The following ODAD1 variants were observed in gnomAD, a reference collection of about 807,000 sequenced individuals.
ODAD1 encodes outer dynein arm docking complex subunit 1, also known as outer dynein arm-docking complex subunit 1.
A neutral mutation model predicts 67.2 loss-of-function variants in ODAD1; 49 were observed. The ratio of observed to expected loss-of-function variants is 0.73; its 90% CI spans 0.58 to 0.92. ODAD1 has a LOEUF of 0.92. Ranked by LOEUF, ODAD1 falls within the 40% of genes least tolerant of loss-of-function variation. The pLI, the probability that ODAD1 is intolerant of heterozygous loss-of-function variation, is 0.00. For missense variants in ODAD1, 897 were observed against 953.7 expected (o/e 0.94, Z 0.78); for synonymous variants, 345 against 393.7 (o/e 0.88, Z 1.46).
chr19:48,312,676 CA>C (rs1438940401), intron 5 of ODAD1, among the ~76,000 whole-genome samples: 3 of 152,100 alleles, frequency 2.0e-5, no homozygotes, highest in Non-Finnish European at 2.9e-5. Flanking sequence ...CTTGGCCTCC[CA>C]AAGTGCTGGG....
intron 5 of ODAD1, among the ~76,000 whole-genome samples, chr19:48,312,422 T>G (rs921193284): frequency 9.3e-4 from 131 of 140,580 alleles, no homozygotes; most frequent in East Asian, 6.6e-3. Flanking sequence ...GTTTTTTTTT[T>G]TTTTTTTTTT....
In ODAD1 at chr19:48,302,796, G is replaced by T; in HGVS notation, c.1138C>A (p.Gln380Lys). Residue 380 changes from glutamine (Q) to lysine (K), a missense_variant, in exon 12 of 16, where the codon CAG (glutamine) becomes AAG (lysine). Coordinates refer to ENST00000674294, the MANE Select transcript of ODAD1 (RefSeq NM_001364171.2). Reference protein sequence around the residue: ...DDQHLLQEQQQKVLQQRMDKV... With the variant: ...DDQHLLQEQQKKVLQQRMDKV... Reference sequence around the variant, plus strand: ...TCCATGCGCTGCTGCAACACCTTCTGCTGCTGCTCCTGCAGCAAATGCTGG... The same window carrying T: ...TCCATGCGCTGCTGCAACACCTTCTTCTGCTGCTCCTGCAGCAAATGCTGG... 1 of 1,613,914 alleles carries T rather than the reference G, an allele frequency of 6.2e-7. No homozygotes were observed. Among genetic ancestry groups the T allele is most frequent in the Non-Finnish European group, 8.5e-7 (1 of 1,179,898 alleles).
chr19:48,296,960 C>T lies in ODAD1; in HGVS notation c.*16G>A. On this transcript the variant is annotated 3_prime_UTR_variant, in exon 16 of 16. Transcript: ENST00000674294. ...ACAGAGAGCCAGGGCAGGGTGGGGG[C>T]TGCGTGCCCCTCGTGTTAGCCCCGG... is the stretch of plus-strand genomic sequence containing the variant. 6.4e-7 allele frequency: 1 copy of T among 1,570,626 alleles called. No individual in the cohort carries two copies. Among genetic ancestry groups the T allele is most frequent in the Non-Finnish European group, 8.6e-7 (1 of 1,161,042 alleles).
Position 48,297,498 on chromosome 19 carries a change from C to G in ODAD1, c.1602G>C (p.Ala534=), listed in dbSNP as rs747363334. ...CCAGGTCCTTCTGGCGCTGCGCCTCCGCCTGCTCCTGGAGCTCCACCTGCA... is the reference window on the plus strand; with the variant it reads ...CCAGGTCCTTCTGGCGCTGCGCCTCGGCCTGCTCCTGGAGCTCCACCTGCA... ...VEKLVELQEQ[A]EAQRQKDLAA... is the part of the protein sequence containing the mutation. The change falls in exon 16 of 16, where the codon GCG becomes GCC. Residue 534 remains alanine (A), a synonymous_variant. Transcript: ENST00000674294. 20 of 1,604,348 alleles carry G rather than the reference C, an allele frequency of 1.2e-5. No homozygotes were observed. In the African/African-American group the frequency reaches 2.3e-4, roughly 18 times the overall value.
chr19:48,306,128 G>A (rs1968600758), intron 8 of ODAD1, 128 bp downstream of exon 8: 1 of 1,369,500 alleles, frequency 7.3e-7, no homozygotes, highest in South Asian at 1.5e-5. Flanking sequence ...AGAAAAAGGG[G>A]ATATTATGGG....
At chr19:48,297,725 C>T (rs917890011) in intron 14 of ODAD1, 57 bp from the exon 15 acceptor site, 11 of 1,336,822 alleles carry the variant, frequency 8.2e-6, no homozygotes, top group East Asian at 2.6e-5. Context: ...AAAAGGCCAG[C>T]GGCCCTTCCT....
rs753128385 is a variant in ODAD1 at position 48,297,984 on chromosome 19, C to T, written c.1502+16G>A. 1.7e-5 allele frequency: 28 copies of T among 1,601,182 alleles called. No homozygotes were observed. Among genetic ancestry groups the T allele is most frequent in the Non-Finnish European group, 2.4e-5 (28 of 1,170,320 alleles). The stretch of plus-strand genomic sequence containing the variant: ...AAGCCCCGTCCCCTCTGCGTCCCTC[C>T]TGCCCTGCGCCTCACAGAGTGTCAG... On this transcript the variant is annotated intron_variant, in intron 14 of 15. Transcript: ENST00000674294.
chr19:48,298,900 C>T (rs1279776183), intron 12 of ODAD1, among the ~76,000 whole-genome samples: 5 of 152,204 alleles, frequency 3.3e-5, no homozygotes, highest in African/African-American at 9.6e-5. Context: ...TCAGCCATCA[C>T]GACAGCAGGA....
intron 6 of ODAD1, 117 bp downstream of exon 6, chr19:48,311,877 C>T: frequency 9.9e-7 from 1 of 1,005,476 alleles, no homozygotes. Flanking sequence ...CTCCAGAATC[C>T]TGTGTCCTGA....
intron 5 of ODAD1, among the ~76,000 whole-genome samples, chr19:48,316,236 C>A (rs897825758): frequency 6.6e-6 from 1 of 152,080 alleles, no homozygotes; most frequent in African/African-American, 2.4e-5. Flanking sequence ...TAAAAATTAG[C>A]TGGGAGTGGT....
At chr19:48,303,214 C>T (rs1252777515) in intron 10 of ODAD1, 119 bp from the exon 11 acceptor site, 1 of 783,976 alleles carries the variant, frequency 1.3e-6, no homozygotes, top group Non-Finnish European at 2.2e-6. Flanking sequence ...GAAGGCCACA[C>T]AGAAACCAAG....
intron 3 of ODAD1, chr19:48,319,469 AG>A: frequency 3.4e-5 from 33 of 983,720 alleles, no homozygotes; most frequent in Non-Finnish European, 4.0e-5. Flanking sequence ...CCATCTCCAA[AG>A]GCCCAGTAGT....
chr19:48,315,862 G>C (rs749382355), intron 5 of ODAD1, among the ~76,000 whole-genome samples: 32 of 152,228 alleles, frequency 2.1e-4, no homozygotes, highest in Middle Eastern at 3.4e-3. Context: ...TTTTATTCAT[G>C]AGTCACATTC....
At position 48,301,291 on chromosome 19, in the gene ODAD1, C is replaced by T. The variant is rs1019234145; in HGVS notation, c.1240+1403G>A. Among the ~76,000 whole-genome samples the T allele has an allele frequency of 3.3e-5, 5 of 152,114 alleles. No individual in the cohort carries two copies. In the South Asian group the frequency reaches 1.0e-3, roughly 32 times the overall value. ...ATATCAACATATACCTACCCTAAGA[C>T]CCATCGGTCCCACTGCTAGGCATTT... On this transcript the variant is annotated intron_variant, in intron 12 of 15. Transcript: ENST00000674294.
At chr19:48,299,347 G>A (rs1457593413) in intron 12 of ODAD1, among the ~76,000 whole-genome samples, 19 of 151,908 alleles carry the variant, frequency 1.3e-4, no homozygotes, top group African/African-American at 2.2e-4. Context: ...GGAGATGGAC[G>A]TTGCAGTAAG....
rs748335075 is a variant in ODAD1 at position 48,298,337 on chromosome 19, A to G, written c.1244T>C (p.Ile415Thr). 6.2e-7 allele frequency: 1 copy of G among 1,613,876 alleles called. No homozygotes were observed. The highest frequency in any genetic ancestry group is 1.7e-5 in the Admixed American group (1 of 59,986). Reference protein sequence around the residue: ...RGQLEKLKADIQLLFTKAHCD... With the variant: ...RGQLEKLKADTQLLFTKAHCD... ...ATGGGCCTTGGTGAAGAGGAGCTGG[A>G]TATCTGCGTCATGGAGGGCCGGTTG... is the stretch of plus-strand genomic sequence containing the variant. The change falls in exon 13 of 16, where the codon ATC becomes ACC. Residue 415 changes from isoleucine (I) to threonine (T), a missense_variant. Coordinates refer to ENST00000674294, the MANE Select transcript of ODAD1 (RefSeq NM_001364171.2).
At chr19:48,315,521 G>T (rs1968875428) in intron 5 of ODAD1, among the ~76,000 whole-genome samples, 1 of 152,180 alleles carries the variant, frequency 6.6e-6, no homozygotes, top group Admixed American at 6.5e-5. Context: ...TCCAGCCTGG[G>T]TGACAGAGCG....
Position 48,298,222 on chromosome 19 carries a change from C to T in ODAD1, c.1359G>A (p.Lys453=). 1 of 1,614,016 alleles carries T rather than the reference C, an allele frequency of 6.2e-7. No individual in the cohort carries two copies. ...DMGLFLSLIE[K]RLVELLTVQA... ...GCACTGTCAGGAGCTCCACCAGCCG[C>T]TTCTCAATGAGGCTCAGGAAGAGGC... Residue 453 remains lysine (K), a synonymous_variant, in exon 13 of 16, where the codon AAG becomes AAA. Transcript: ENST00000674294.
At chr19:48,310,364 C>T (rs2147326170) in intron 7 of ODAD1, among the ~76,000 whole-genome samples, 1 of 152,238 alleles carries the variant, frequency 6.6e-6, no homozygotes, top group African/African-American at 2.4e-5. Context: ...ATGAACAGAG[C>T]CAGAACAACC....
Sources: allele counts gnomAD v4.1 joint callset (sites outside exome capture counted in the v4.1 genomes callset), GRCh38; gene constraint gnomAD v4.1.1; transcripts MANE v1.5; gene names NCBI Gene and HGNC (gene_info 2026-07-23, HGNC 2026-07-21).